Variants in BFAR observed in about 807,000 individuals in gnomAD.
The protein encoded by BFAR is bifunctional apoptosis regulator, also known as RING finger protein 47.
In BFAR, 52 loss-of-function variants were observed where a neutral mutation model predicts 54.4. That is an observed-to-expected ratio of 0.96 (90% CI 0.77 to 1.21). BFAR has a LOEUF of 1.21. BFAR is among the 50% of genes most tolerant of loss of function. The pLI is 0.00. For missense variants in BFAR, 571 were observed against 534.0 expected, an observed-to-expected ratio of 1.07 and a Z score of -0.68; for synonymous variants, 215 against 204.3, an observed-to-expected ratio of 1.05 and a Z score of -0.45.
Position 14,661,899 on chromosome 16 carries a change from A to G in BFAR, c.791A>G (p.Asn264Ser). ...TACTCTTCTCCTCTGCAGGCTGTGA[A>G]CCCAGGCAGGTCCCTGTTCCTGCTA... The part of the protein sequence containing the change: ...PQNLWEYKAV[N>S]PGRSLFLLYA... Residue 264 changes from asparagine (N) to serine (S), a missense_variant, in exon 6 of 8, where the codon AAC (asparagine) becomes AGC (serine). Physicochemically the swap from Asn to Ser is conservative, Grantham distance 46. Transcript: ENST00000261658. The G allele has an allele frequency of 6.2e-7, 1 of 1,614,004 alleles. No individual in the cohort carries two copies. The highest frequency in any genetic ancestry group is 8.5e-7 in the Non-Finnish European group (1 of 1,179,982).
At chr16:14,642,722 G>A (rs767628450) in intron 1 of BFAR, among the ~76,000 whole-genome samples, 1 of 152,114 alleles carries the variant, frequency 6.6e-6, no homozygotes, top group Non-Finnish European at 1.5e-5. Context: ...AGCCTCTGAA[G>A]TCAAATGTTT....
At chr16:14,647,337 G>A (rs995999339) in intron 2 of BFAR, among the ~76,000 whole-genome samples, 5 of 150,430 alleles carry the variant, frequency 3.3e-5, no homozygotes, top group African/African-American at 1.2e-4. Context: ...TGCCCACCTC[G>A]GCCTCCCAAA....
chr16:14,634,228 G>A (rs908460206), intron 1 of BFAR, among the ~76,000 whole-genome samples: 9 of 152,222 alleles, frequency 5.9e-5, no homozygotes, highest in Non-Finnish European at 1.2e-4. Context: ...ACACACCCCC[G>A]AGCCGGCAGG....
In BFAR at chr16:14,664,874, T is replaced by C; in HGVS notation, c.963T>C (p.Leu321=). Residue 321 remains leucine, a synonymous_variant, in exon 7 of 8, where the codon CTT becomes CTC. Transcript: ENST00000261658. ...GEDIVTKLLD[L]KEPTWKQWRE... is the part of the protein sequence containing the mutation. ...TCTGTGTGTTATTTTTTAAGGATCT[T>C]AAGGAGCCTACGTGGAAGCAGTGGA... 6.2e-7 allele frequency: 1 copy of C among 1,613,322 alleles called. No homozygotes were observed. Among genetic ancestry groups the C allele is most frequent in the Non-Finnish European group, 8.5e-7 (1 of 1,179,274 alleles).
Position 14,668,492 on chromosome 16 carries a change from C to T in BFAR, c.*665C>T, listed in dbSNP as rs1278153404. On this transcript the variant is annotated 3_prime_UTR_variant, in exon 8 of 8. Transcript: ENST00000261658. ...AATCATTGAAGGTCTGGATCCCTTTCTCTGAATGGAGAGATTGAGAGGGAT... is the reference window on the plus strand; with the variant it reads ...AATCATTGAAGGTCTGGATCCCTTTTTCTGAATGGAGAGATTGAGAGGGAT... 6.6e-6 allele frequency: 1 copy of T among 152,500 alleles called. No individual in the cohort carries two copies. The allele number at this position is 152,500 out of a possible 1,614,324, so 9.4% of individuals were successfully genotyped here.
intron 7 of BFAR, among the ~76,000 whole-genome samples, chr16:14,666,502 G>A (rs1318713093): frequency 6.6e-6 from 1 of 152,016 alleles, no homozygotes; most frequent in African/African-American, 2.4e-5. Flanking sequence ...ACTCAGAGAG[G>A]TGGAGGTTGC....
Position 14,632,972 on chromosome 16 carries a change from G to C in BFAR, c.-120G>C, listed in dbSNP as rs999524808. The C allele has an allele frequency of 6.4e-6, 1 of 155,132 alleles. No homozygotes were observed. The highest frequency in any genetic ancestry group is 6.3e-5 in the Admixed American group (1 of 15,778). 9.6% of individuals were successfully genotyped at this position (155,132 alleles called of 1,614,324 possible). A position where few individuals can be genotyped will look rare whatever the true frequency, so the allele number is the denominator to read the frequency against. Reference sequence around the variant, plus strand: ...CTCCCTCTTCCTCTGCTCCCGCGGGGTCTGTGCTGAGAATAATGGCCCGGT... The same window carrying C: ...CTCCCTCTTCCTCTGCTCCCGCGGGCTCTGTGCTGAGAATAATGGCCCGGT... On this transcript the variant is annotated 5_prime_UTR_variant, in exon 1 of 8. Coordinates refer to ENST00000261658, the MANE Select transcript of BFAR (RefSeq NM_016561.3).
intron 1 of BFAR, chr16:14,643,658 T>C (rs1273745761): frequency 6.6e-6 from 1 of 152,180 alleles, no homozygotes; most frequent in East Asian, 1.9e-4. Context: ...TAGTCCCAGC[T>C]ACTCAGGAGG....
chr16:14,655,905 C>T (rs1567492442), intron 5 of BFAR, among the ~76,000 whole-genome samples: 1 of 151,604 alleles, frequency 6.6e-6, no homozygotes, highest in Admixed American at 6.6e-5. Flanking sequence ...CAGCACAGCA[C>T]GGTGGTCAAG....
Position 14,649,842 on chromosome 16 carries a change from T to C in BFAR, c.507T>C (p.Ser169=), listed in dbSNP as rs930872721. ...LLVYHWSSRE[S]EHDLLVHKAV... Reference sequence around the variant, plus strand: ...TCTATCACTGGAGCAGCAGGGAATCTGAACACGACCTCCTGGTCCACAAGG... The same window carrying C: ...TCTATCACTGGAGCAGCAGGGAATCCGAACACGACCTCCTGGTCCACAAGG... Residue 169 remains serine, a synonymous_variant, in exon 4 of 8, where the codon TCT becomes TCC. Coordinates refer to ENST00000261658, the MANE Select transcript of BFAR (RefSeq NM_016561.3). 3 of 1,611,080 alleles carry C rather than the reference T, an allele frequency of 1.9e-6. No individual in the cohort carries two copies. Among genetic ancestry groups the C allele is most frequent in the Non-Finnish European group, 2.5e-6 (3 of 1,178,336 alleles).
chr16:14,639,613 A>G (rs929627308), intron 1 of BFAR, among the ~76,000 whole-genome samples: 2 of 152,188 alleles, frequency 1.3e-5, no homozygotes, highest in African/African-American at 4.8e-5. Flanking sequence ...GTGAGCCACC[A>G]CGCCAGGCCA....
At position 14,665,084 on chromosome 16, in the gene BFAR, TA is replaced by T; in HGVS notation, c.1160+15del. On this transcript the variant is annotated intron_variant, in intron 7 of 7. Transcript: ENST00000261658. ...GAAGTGAACTGAAGTAAGTATGTTT[TA>T]ATGGTTGTCACAACAGGGGATGGGA... 5 of 1,596,482 alleles carry T rather than the reference TA, an allele frequency of 3.1e-6. No individual in the cohort carries two copies. The highest frequency in any genetic ancestry group is 4.3e-6 in the Non-Finnish European group (5 of 1,164,212).
At chr16:14,634,727 G>A (rs1385681710) in intron 1 of BFAR, among the ~76,000 whole-genome samples, 3 of 152,118 alleles carry the variant, frequency 2.0e-5, no homozygotes, top group African/African-American at 7.2e-5. Flanking sequence ...TATCCTAGAC[G>A]GATCAGTGGG....
intron 2 of BFAR, among the ~76,000 whole-genome samples, chr16:14,646,913 G>T (rs1228853260): frequency 2.6e-5 from 4 of 151,942 alleles, no homozygotes; most frequent in Non-Finnish European, 5.9e-5. Flanking sequence ...TGACTTAGTT[G>T]TGCTTTTGTT....
At chr16:14,652,745 TATG>T (rs1197916978) in intron 4 of BFAR, among the ~76,000 whole-genome samples, 1 of 152,082 alleles carries the variant, frequency 6.6e-6, no homozygotes, top group African/African-American at 2.4e-5. Context: ...AAACTGAAAA[TATG>T]ATTGTACTAA....
At chr16:14,662,225 T>C (rs1001564325) in intron 6 of BFAR, among the ~76,000 whole-genome samples, 160 bp downstream of exon 6, 1 of 152,192 alleles carries the variant, frequency 6.6e-6, no homozygotes. Flanking sequence ...TTTGCTTCTC[T>C]TGGGGCCAGT....
At chr16:14,656,492 GAAA>G (rs904695833) in intron 5 of BFAR, among the ~76,000 whole-genome samples, 5 of 131,552 alleles carry the variant, frequency 3.8e-5, no homozygotes, top group African/African-American at 2.8e-5. Flanking sequence ...CCCTGTTTCA[GAAA>G]AAAAAAAAAA....
chr16:14,648,243 T>G, intron 2 of BFAR, 145 bp from the exon 3 acceptor site: 3 of 657,838 alleles, frequency 4.6e-6, no homozygotes, highest in Non-Finnish European at 7.7e-6. Flanking sequence ...TTTTTGCTTT[T>G]ACCCACAGGA....
chr16:14,662,668 C>T (rs942770061), intron 6 of BFAR, among the ~76,000 whole-genome samples: 1 of 152,112 alleles, frequency 6.6e-6, no homozygotes, highest in Admixed American at 6.6e-5. Context: ...TACAGGCGAG[C>T]ACCACCACCC....
Sources: allele counts gnomAD v4.1 joint callset (sites outside exome capture counted in the v4.1 genomes callset), GRCh38; gene constraint gnomAD v4.1.1; transcripts MANE v1.5; gene names NCBI Gene and HGNC (gene_info 2026-07-23, HGNC 2026-07-21).